The following OTUD7B variants were observed in gnomAD, a reference collection of about 807,000 sequenced individuals.
OTUD7B encodes the protein OTU domain-containing protein 7B.
In OTUD7B, 34 loss-of-function variants were observed where a neutral mutation model predicts 82.2. That is an observed-to-expected ratio of 0.41 (90% CI 0.31 to 0.55). The LOEUF (loss-of-function observed/expected upper bound fraction) is 0.55, where lower values mean the gene tolerates loss of function less well. Ranked by LOEUF, OTUD7B falls within the 20% of genes least tolerant of loss-of-function variation. OTUD7B has a pLI of 0.20. For missense variants in OTUD7B, 944 were observed against 1,062.1 expected (o/e 0.89, Z 1.55); for synonymous variants, 398 against 402.7 (o/e 0.99, Z 0.14).
At chr1:150,009,986 C>T (rs1416170761) in intron 1 of OTUD7B, among the ~76,000 whole-genome samples, 2 of 152,080 alleles carry the variant, frequency 1.3e-5, no homozygotes, top group African/African-American at 2.4e-5. Flanking sequence ...TCTCGCCTTT[C>T]CTCCATTACT....
chr1:150,013,093 A>G (rs901357149), upstream of OTUD7B, among the ~76,000 whole-genome samples: 1 of 152,222 alleles, frequency 6.6e-6, no homozygotes, highest in Non-Finnish European at 1.5e-5. Context: ...AACACAGTTG[A>G]CTATTTCTTG....
At chr1:150,048,645 C>T in the OTUD7B span, 3 of 151,884 alleles carry the variant, frequency 2.0e-5, no homozygotes, top group Non-Finnish European at 2.9e-5. Context: ...TACCACTGCA[C>T]ACCAGCCTGG....
At chr1:149,958,322 C>CTTTTTTTTTTTTTT (rs34299927) in intron 7 of OTUD7B, among the ~76,000 whole-genome samples, 2 of 86,394 alleles carry the variant, frequency 2.3e-5, no homozygotes, top group Non-Finnish European at 4.1e-5. Context: ...AAAGGACTAC[C>CTTTTTTTTTTTTTT]TTTTTTTTTT....
At chr1:150,009,926 G>T (rs1652919059) in intron 1 of OTUD7B, among the ~76,000 whole-genome samples, 1 of 150,970 alleles carries the variant, frequency 6.6e-6, no homozygotes, top group Admixed American at 6.6e-5. Flanking sequence ...GTCAACCTCC[G>T]TCTCTCTCCC....
intron 7 of OTUD7B, among the ~76,000 whole-genome samples, chr1:149,955,201 A>G (rs1169115360): frequency 6.6e-6 from 1 of 152,088 alleles, no homozygotes; most frequent in African/African-American, 2.4e-5. Context: ...TTCCCTCTCC[A>G]CACTGCTTTG....
intron 7 of OTUD7B, among the ~76,000 whole-genome samples, chr1:149,958,065 C>G (rs587618540): frequency 7.2e-5 from 11 of 152,156 alleles, no homozygotes; most frequent in Admixed American, 7.2e-4. Context: ...CTGAGATGAA[C>G]CCGGTACCTC....
At chr1:150,008,090 A>T (rs1652786205) in intron 1 of OTUD7B, among the ~76,000 whole-genome samples, 1 of 152,204 alleles carries the variant, frequency 6.6e-6, no homozygotes, top group Admixed American at 6.5e-5. Context: ...ACATACATTG[A>T]ATCTCAAAAT....
upstream of OTUD7B, among the ~76,000 whole-genome samples, chr1:150,014,019 T>C (rs12410827): frequency 1.0e-4 from 13 of 126,020 alleles, no homozygotes; most frequent in Non-Finnish European, 2.2e-4. Flanking sequence ...TACACACACA[T>C]ATATACGTAT....
At chr1:150,047,999 G>A in the OTUD7B span, 2 of 151,802 alleles carry the variant, frequency 1.3e-5, no homozygotes, top group Non-Finnish European at 2.9e-5. Context: ...TAAAAATAGG[G>A]AGCATTCAAT....
chr1:149,949,462 C>T (rs917232797), intron 9 of OTUD7B, among the ~76,000 whole-genome samples, 167 bp downstream of exon 9: 145 of 148,420 alleles, frequency 9.8e-4, no homozygotes, highest in African/African-American at 3.4e-3. Flanking sequence ...TCTCCCAACC[C>T]TTTTTTTTTT....
intron 1 of OTUD7B, among the ~76,000 whole-genome samples, chr1:150,005,882 C>A (rs1442953741): frequency 6.6e-6 from 1 of 152,144 alleles, no homozygotes; most frequent in Non-Finnish European, 1.5e-5. Flanking sequence ...ACCTGCCAGT[C>A]ATTCTCAGAC....
chr1:149,951,598 C>T (rs782627075), intron 7 of OTUD7B, among the ~76,000 whole-genome samples: 4 of 152,236 alleles, frequency 2.6e-5, no homozygotes, highest in Middle Eastern at 3.4e-3. Flanking sequence ...TATTCAATGG[C>T]TTCCACCCCC....
At chr1:150,003,249 CAAA>C (rs11297514) in intron 1 of OTUD7B, among the ~76,000 whole-genome samples, 3 of 117,790 alleles carry the variant, frequency 2.5e-5, no homozygotes, top group African/African-American at 3.4e-5. Context: ...GACTCTGTCT[CAAA>C]AAAAAAAAAA....
chr1:149,958,566 G>A (rs1388345260), intron 7 of OTUD7B, among the ~76,000 whole-genome samples: 8 of 151,304 alleles, frequency 5.3e-5, no homozygotes, highest in Non-Finnish European at 8.9e-5. Context: ...CGCCCACCTC[G>A]GCCTCCCAAA....
chr1:149,945,092 A>T (rs1291614639), intron 11 of OTUD7B, 27 bp from the exon 12 acceptor site: 5 of 1,598,100 alleles, frequency 3.1e-6, no homozygotes, highest in Non-Finnish European at 4.3e-6. Context: ...CACTGTTGAC[A>T]GTTATCCCAG....
Position 149,944,781 on chromosome 1 carries a change from C to G in OTUD7B, c.1608G>C (p.Gly536=), listed in dbSNP as rs1285754351. 3 of 1,614,088 alleles carry G rather than the reference C, an allele frequency of 1.9e-6. No individual in the cohort carries two copies. The Admixed American group carries it at 5.0e-5, about 27-fold the overall frequency. Reference sequence around the variant, plus strand: ...TGCCGCTGCTTCCTCCCAACCCTGTCCCCACCCCTCCAGGCTTTGAACCCT... The same window carrying G: ...TGCCGCTGCTTCCTCCCAACCCTGTGCCCACCCCTCCAGGCTTTGAACCCT... ...HSKGSKPGGV[G]TGLGGSSGTE... is the part of the protein sequence containing the mutation. The change falls in exon 12 of 12, where the codon GGG becomes GGC. Residue 536 remains glycine, a synonymous_variant. Transcript: ENST00000581312.
chr1:149,989,573 AC>A (rs1291474090), intron 1 of OTUD7B, among the ~76,000 whole-genome samples: 2 of 150,620 alleles, frequency 1.3e-5, no homozygotes, highest in Non-Finnish European at 3.0e-5. Context: ...AACAAAACAA[AC>A]AAAAAACCCA....
intron 1 of OTUD7B, among the ~76,000 whole-genome samples, chr1:149,980,379 G>T (rs996987037): frequency 1.3e-5 from 2 of 151,790 alleles, no homozygotes; most frequent in African/African-American, 4.8e-5. Flanking sequence ...CTAATACCTT[G>T]CTTAAGCTTT....
chr1:149,998,906 G>A (rs1464923909), intron 1 of OTUD7B, among the ~76,000 whole-genome samples: 1 of 152,086 alleles, frequency 6.6e-6, no homozygotes, highest in Non-Finnish European at 1.5e-5. Flanking sequence ...TATGATATTA[G>A]ATATACTGCT....
Sources: gnomAD v4.1 joint callset for allele counts (sites outside exome capture counted in the v4.1 genomes callset) on GRCh38, gnomAD v4.1.1 for gene constraint, MANE v1.5 for transcripts, NCBI Gene and HGNC (gene_info 2026-07-23, HGNC 2026-07-21) for gene names.